Variants in COL24A1 observed in about 807,000 individuals in gnomAD.
COL24A1 encodes collagen type XXIV alpha 1 chain, also known as collagen alpha-1(XXIV) chain.
A neutral mutation model predicts 253.9 loss-of-function variants in COL24A1; 224 were observed. That is an observed-to-expected ratio of 0.88 (90% CI 0.79 to 0.99). The LOEUF (loss-of-function observed/expected upper bound fraction) is 0.99. Among genes scored for constraint, COL24A1 ranks in the 50% least tolerant of loss-of-function variants. The probability of loss-of-function intolerance (pLI) is 0.00; values close to 1 mark genes in which losing one functional copy is unlikely to be tolerated. For synonymous variants in COL24A1, 685 were observed against 673.7 expected (o/e 1.02, Z -0.26); for missense variants, 2,131 against 2,068.5 (o/e 1.03, Z -0.59).
Position 85,847,660 on chromosome 1 carries a change from C to T in COL24A1, c.3462+5G>A. 2 of 1,609,278 alleles carry T rather than the reference C, an allele frequency of 1.2e-6. No homozygotes were observed. The highest frequency in any genetic ancestry group is 8.5e-7 in the Non-Finnish European group (1 of 1,176,172). The stretch of plus-strand genomic sequence containing the variant: ...CTCAATTCTGGAAGCAAGTCAAATA[C>T]TGACCACAGCACCTCTAGTTCCTCT... On this transcript the variant is annotated splice_donor_5th_base_variant and intron_variant, in intron 39 of 59. Transcript: ENST00000370571.
intron 59 of COL24A1, among the ~76,000 whole-genome samples, chr1:85,731,189 C>G (rs929320662): frequency 6.6e-6 from 1 of 152,114 alleles, no homozygotes; most frequent in African/African-American, 2.4e-5. Context: ...TCTTCCCCCC[C>G]GCCCCATTCT....
chr1:85,795,097 C>T (rs1267326902), intron 47 of COL24A1, among the ~76,000 whole-genome samples: 1 of 152,158 alleles, frequency 6.6e-6, no homozygotes, highest in African/African-American at 2.4e-5. Flanking sequence ...AAATGAATAG[C>T]ATTATGGTTT....
chr1:86,098,259 G>A (rs1704158826), intron 5 of COL24A1, among the ~76,000 whole-genome samples: 1 of 151,824 alleles, frequency 6.6e-6, no homozygotes. Flanking sequence ...GTAAATTGGG[G>A]AAGAAAATTA....
intron 7 of COL24A1, among the ~76,000 whole-genome samples, chr1:86,064,214 C>T (rs1183816248): frequency 6.6e-6 from 1 of 151,994 alleles, no homozygotes; most frequent in Non-Finnish European, 1.5e-5. Flanking sequence ...TCCTCTAACC[C>T]AAATCATTGT....
intron 21 of COL24A1, 95 bp from the exon 22 acceptor site, chr1:85,970,366 C>G: frequency 1.7e-6 from 2 of 1,184,640 alleles, no homozygotes; most frequent in Non-Finnish European, 2.4e-6. Context: ...AAATGTGAAG[C>G]TCATTCTGAG....
intron 1 of COL24A1, among the ~76,000 whole-genome samples, chr1:86,151,344 G>A (rs889993268): frequency 6.6e-6 from 1 of 152,036 alleles, no homozygotes; most frequent in Non-Finnish European, 1.5e-5. Context: ...TGGACCATGT[G>A]TCACTAATAC....
At chr1:86,089,256 C>A in intron 6 of COL24A1, 29 bp from the exon 7 acceptor site, 2 of 1,528,854 alleles carry the variant, frequency 1.3e-6, no homozygotes, top group Non-Finnish European at 1.8e-6. Flanking sequence ...CGTTTAATGT[C>A]ATGAAAGAGA....
intron 24 of COL24A1, among the ~76,000 whole-genome samples, chr1:85,914,304 ATGTGTG>A (rs71078628): frequency 0.028 from 3,953 of 139,222 alleles, 84 homozygotes; most frequent in African/African-American, 0.057. Context: ...TTTGTCATGA[ATGTGTG>A]TGTGTGTGTG....
intron 4 of COL24A1, among the ~76,000 whole-genome samples, chr1:86,113,307 G>C (rs940250614): frequency 6.6e-6 from 1 of 152,158 alleles, no homozygotes; most frequent in African/African-American, 2.4e-5. Context: ...TAGAGGAACA[G>C]ATCACCCTCT....
At chr1:85,843,129 C>T (rs1178708833) in intron 39 of COL24A1, among the ~76,000 whole-genome samples, 2 of 152,106 alleles carry the variant, frequency 1.3e-5, no homozygotes, top group Admixed American at 1.3e-4. Context: ...AAAATTAAGG[C>T]ACAGAATAGG....
At chr1:85,775,796 C>T in intron 52 of COL24A1, 87 bp from the exon 53 acceptor site, 1 of 1,153,860 alleles carries the variant, frequency 8.7e-7, no homozygotes, top group South Asian at 1.4e-5. Context: ...AGAAACATGA[C>T]AATTTATATT....
Position 85,781,223 on chromosome 1 carries a change from T to TCTA in COL24A1, c.4332_4334dup (p.Gly1444_Arg1445insSer), listed in dbSNP as rs1165463563. 2 of 1,599,478 alleles carry TCTA rather than the reference T, an allele frequency of 1.3e-6. No individual in the cohort carries two copies. Among genetic ancestry groups the TCTA allele is most frequent in the Non-Finnish European group, 1.7e-6 (2 of 1,172,594 alleles). On this transcript the variant is annotated inframe_insertion, in exon 52 of 60. Coordinates refer to ENST00000370571, the MANE Select transcript of COL24A1 (RefSeq NM_152890.7). ...ACTTGTATTATGATAAACTTACAGT[T>TCTA]CTACCTGTTGGGCCTATTATACCTT...
At chr1:85,737,618 C>T in intron 57 of COL24A1, 113 bp from the exon 58 acceptor site, 1 of 693,382 alleles carries the variant, frequency 1.4e-6, no homozygotes, top group Non-Finnish European at 2.3e-6. Flanking sequence ...GGCTGGAGTG[C>T]AGCGGTGCGA....
chr1:86,058,002 C>T, intron 9 of COL24A1, 27 bp from the exon 10 acceptor site: 1 of 1,597,516 alleles, frequency 6.3e-7, no homozygotes, highest in South Asian at 1.1e-5. Context: ...ACATTGTCAT[C>T]ATACTACAGT....
intron 59 of COL24A1, among the ~76,000 whole-genome samples, chr1:85,732,578 G>A (rs1030935612): frequency 4.6e-5 from 7 of 151,934 alleles, no homozygotes; most frequent in South Asian, 2.1e-4. Flanking sequence ...GTATGACTGC[G>A]ATTATCTAAT....
At chr1:85,747,062 T>C (rs72948687) in intron 55 of COL24A1, among the ~76,000 whole-genome samples, 1,547 of 151,824 alleles carry the variant, frequency 0.01, 23 homozygotes, top group African/African-American at 0.036. Context: ...TCCTTTATTA[T>C]TAGAGGCCTT....
chr1:85,917,131 G>A (rs1250956091), intron 24 of COL24A1, among the ~76,000 whole-genome samples: 1 of 152,084 alleles, frequency 6.6e-6, no homozygotes, highest in Non-Finnish European at 1.5e-5. Context: ...GTATCAACAT[G>A]GATAAACATT....
intron 22 of COL24A1, among the ~76,000 whole-genome samples, chr1:85,965,859 A>T (rs1691521095): frequency 6.6e-6 from 1 of 152,112 alleles, no homozygotes; most frequent in African/African-American, 2.4e-5. Flanking sequence ...TTGAGAGAAG[A>T]CCAGTAAAGT....
intron 11 of COL24A1, 114 bp downstream of exon 11, chr1:86,050,010 C>T (rs1479308636): frequency 2.5e-6 from 2 of 811,140 alleles, no homozygotes; most frequent in Admixed American, 2.7e-5. Flanking sequence ...TTTTCTTCAA[C>T]CTGGCTTGCT....
Sources: gnomAD v4.1 joint callset for allele counts (sites outside exome capture counted in the v4.1 genomes callset) on GRCh38, gnomAD v4.1.1 for gene constraint, MANE v1.5 for transcripts, NCBI Gene and HGNC (gene_info 2026-07-23, HGNC 2026-07-21) for gene names.